Variants in GRB10 observed in about 807,000 individuals in gnomAD.
The protein encoded by GRB10 is growth factor receptor-bound protein 10.
Under a neutral mutation model 80.9 loss-of-function variants are expected in GRB10, and 20 were observed. The observed-to-expected ratio is 0.25, with a 90% CI of 0.17 to 0.36. The LOEUF is 0.36. Among genes scored for constraint, GRB10 ranks in the 10% least tolerant of loss-of-function variants. The pLI is 1.00. For missense variants in GRB10, 548 were observed against 747.7 expected, an observed-to-expected ratio of 0.73 and a Z score of 3.12; for synonymous variants, 291 against 291.5, an observed-to-expected ratio of 1.00 and a Z score of 0.02.
At chr7:50,749,134 G>GTTTTTTTTTTTTTTTTTTTTGTTTT (rs11405172) in intron 3 of GRB10, among the ~76,000 whole-genome samples, 1 of 137,902 alleles carries the variant, frequency 7.3e-6, no homozygotes, top group Non-Finnish European at 1.5e-5. Flanking sequence ...TTTTTTGTTT[G>GTTTTTTTTTTTTTTTTTTTTGTTTT]TTTTTTTTTT....
intron 8 of GRB10, 141 bp downstream of exon 8, chr7:50,626,681 A>G (rs2052958543): frequency 1.1e-6 from 1 of 891,712 alleles, no homozygotes; most frequent in Non-Finnish European, 1.9e-6. Context: ...GAGAAACAGG[A>G]GAGTCGAGGG....
At chr7:50,659,203 T>G (rs576946793) in intron 7 of GRB10, among the ~76,000 whole-genome samples, 12 of 152,342 alleles carry the variant, frequency 7.9e-5, no homozygotes, top group African/African-American at 2.4e-4. Context: ...ACGGGAAATG[T>G]AGAATTGCCA....
chr7:50,782,012 C>G lies in GRB10; in HGVS notation c.-327+412G>C, dbSNP rs1240771447. On this transcript the variant is annotated intron_variant, in intron 1 of 18. Transcript: ENST00000401949. This position sits in a 1 kb window ranked among gnomAD's most constrained non-coding sequence, Gnocchi z 6.6. ...AGCATTATGTTTTTCACAGAAAAAG[C>G]CGGTGCAGTAGCCCGGATGCCCAGA... Among the ~76,000 whole-genome samples the G allele has an allele frequency of 1.3e-5, 2 of 152,202 alleles. No individual in the cohort carries two copies. Among genetic ancestry groups the G allele is most frequent in the African/African-American group, 2.4e-5 (1 of 41,450 alleles).
intron 2 of GRB10, among the ~76,000 whole-genome samples, chr7:50,771,267 T>C (rs2076951255): frequency 6.6e-6 from 1 of 152,194 alleles, no homozygotes; most frequent in African/African-American, 2.4e-5. Flanking sequence ...GGACATTCCA[T>C]TCCGGTCCAC....
intron 7 of GRB10, among the ~76,000 whole-genome samples, chr7:50,633,455 A>C (rs2054380694): frequency 6.6e-6 from 1 of 152,226 alleles, no homozygotes; most frequent in Non-Finnish European, 1.5e-5. Context: ...ATAAGTAGTG[A>C]CCGCTTCTAC....
chr7:50,629,588 A>G (rs2053619163), intron 7 of GRB10, among the ~76,000 whole-genome samples: 1 of 152,216 alleles, frequency 6.6e-6, no homozygotes, highest in African/African-American at 2.4e-5. Context: ...TAAGACCCAG[A>G]GACAGAACAC....
At chr7:50,776,075 T>C (rs2077604138) in intron 2 of GRB10, among the ~76,000 whole-genome samples, 1 of 152,222 alleles carries the variant, frequency 6.6e-6, no homozygotes, top group South Asian at 2.1e-4. Flanking sequence ...TTCCATTATC[T>C]TGATGAATAG....
chr7:50,720,055 A>G (rs1271831542), intron 4 of GRB10, among the ~76,000 whole-genome samples: 1 of 152,188 alleles, frequency 6.6e-6, no homozygotes, highest in African/African-American at 2.4e-5. Flanking sequence ...GCAGAGCTGC[A>G]GGCTGAAGCC....
intron 11 of GRB10, among the ~76,000 whole-genome samples, chr7:50,615,868 T>C (rs543826196): frequency 2.6e-5 from 4 of 152,234 alleles, no homozygotes; most frequent in Non-Finnish European, 5.9e-5. Flanking sequence ...GGCAATAGTC[T>C]ATCAAACATC....
intron 8 of GRB10, among the ~76,000 whole-genome samples, chr7:50,621,906 T>C (rs2051828911): frequency 6.6e-6 from 1 of 152,238 alleles, no homozygotes; most frequent in African/African-American, 2.4e-5. Context: ...AAAGAGAATC[T>C]TACTTCCTTG....
rs12666859 is a variant in GRB10, at chr7:50,698,775, T to A, written c.139+5046A>T. On this transcript the variant is annotated intron_variant, in intron 5 of 18. Coordinates refer to ENST00000401949, the MANE Select transcript of GRB10 (RefSeq NM_001350814.2). ...GTTGTTTTTCAAATTTGTCTTCAAA[T>A]TCTTGAGTTTCACTCTTTCTTATTA... is the stretch of plus-strand genomic sequence containing the variant. Among the ~76,000 whole-genome samples the A allele has an allele frequency of 1.6e-4, 25 of 152,380 alleles. No homozygotes were observed. In the East Asian group the frequency reaches 4.6e-3, roughly 28 times the overall value.
At chr7:50,744,092 A>G (rs1340085590) in intron 3 of GRB10, among the ~76,000 whole-genome samples, 2 of 152,028 alleles carry the variant, frequency 1.3e-5, no homozygotes, top group Admixed American at 6.6e-5. Flanking sequence ...TGTGGTAGGC[A>G]TGTGCAGAGA....
At chr7:50,624,278 T>C (rs1046697069) in intron 8 of GRB10, among the ~76,000 whole-genome samples, 27 of 151,928 alleles carry the variant, frequency 1.8e-4, no homozygotes, top group African/African-American at 5.8e-4. Context: ...GCCCTAAGAG[T>C]TGGAGGGCCA....
Position 50,746,791 on chromosome 7 carries a change from C to G in GRB10, c.-47+9096G>C, listed in dbSNP as rs115065393. On this transcript the variant is annotated intron_variant, in intron 3 of 18. Transcript: ENST00000401949. Reference sequence around the variant, plus strand: ...CCTGCACACCACCCAGTCTCTGCCCCCCGGGCCTCCAGTCCCCAGGGCTCC... The same window carrying G: ...CCTGCACACCACCCAGTCTCTGCCCGCCGGGCCTCCAGTCCCCAGGGCTCC... Among the ~76,000 whole-genome samples, 1,420 of 152,264 alleles carry G rather than the reference C, an allele frequency of 9.3e-3. 13 individuals carry two copies. Among genetic ancestry groups the G allele is most frequent in the Non-Finnish European group, 0.016 (1,064 of 68,016 alleles).
chr7:50,779,980 G>A (rs539079845), intron 2 of GRB10, among the ~76,000 whole-genome samples: 52 of 152,128 alleles, frequency 3.4e-4, no homozygotes, highest in African/African-American at 1.3e-3. Context: ...CGAGGAGGCA[G>A]AGAAAAAAAG....
At chr7:50,710,729 C>T in intron 4 of GRB10, 1 of 822,598 alleles carries the variant, frequency 1.2e-6, no homozygotes, top group South Asian at 1.5e-5. Context: ...AGGGCAACTG[C>T]CTCACCTTCG....
chr7:50,607,946 G>A (rs558791184), intron 13 of GRB10, among the ~76,000 whole-genome samples: 12 of 152,290 alleles, frequency 7.9e-5, no homozygotes, highest in Admixed American at 1.3e-4. Context: ...TCTAAGCTCA[G>A]TTCTGGCTCT....
At chr7:50,617,158 C>T (rs2050792102) in intron 10 of GRB10, among the ~76,000 whole-genome samples, 1 of 152,222 alleles carries the variant, frequency 6.6e-6, no homozygotes, top group Non-Finnish European at 1.5e-5. Flanking sequence ...TAGGTGGTAA[C>T]TTAGTGCTGA....
At chr7:50,756,887 A>T (rs1277328680) in intron 2 of GRB10, among the ~76,000 whole-genome samples, 1 of 152,218 alleles carries the variant, frequency 6.6e-6, no homozygotes, top group Non-Finnish European at 1.5e-5. Flanking sequence ...ATGGCTTAGC[A>T]GTGTGACTGG....
Sources: allele counts gnomAD v4.1 joint callset (sites outside exome capture counted in the v4.1 genomes callset), GRCh38; gene constraint gnomAD v4.1.1; non-coding constraint Gnocchi (gnomAD v3.1); transcripts MANE v1.5; gene names NCBI Gene and HGNC (gene_info 2026-07-23, HGNC 2026-07-21).